CMIP: variants seen among roughly 807,000 people sequenced by gnomAD.
The protein encoded by CMIP is C-Maf-inducing protein.
CMIP carries 13 observed loss-of-function variants against 97.3 expected under a neutral mutation model. The observed-to-expected ratio is 0.13, with a 90% confidence interval of 0.09 to 0.21. CMIP has a LOEUF of 0.21. Ranked by LOEUF, CMIP falls within the 10% of genes least tolerant of loss-of-function variation. The probability of loss-of-function intolerance (pLI) is 1.00; values close to 1 mark genes in which losing one functional copy is unlikely to be tolerated. For missense variants in CMIP, 847 were observed against 1,024.9 expected, an observed-to-expected ratio of 0.83 and a Z score of 2.37; for synonymous variants, 538 against 436.3, an observed-to-expected ratio of 1.23 and a Z score of -2.91.
intron 1 of CMIP, among the ~76,000 whole-genome samples, chr16:81,524,544 A>T (rs906066403): frequency 6.6e-6 from 1 of 152,256 alleles, no homozygotes; most frequent in Non-Finnish European, 1.5e-5. Flanking sequence ...TCGCCAAGCC[A>T]GGCACGTCAT....
intron 9 of CMIP, among the ~76,000 whole-genome samples, chr16:81,672,889 C>T (rs1035281556): frequency 6.6e-5 from 10 of 152,222 alleles, no homozygotes; most frequent in African/African-American, 2.4e-4. Context: ...TCTTGAGCGC[C>T]TGCTGTGTGC....
At chr16:81,700,691 G>A (rs1172526483) in intron 15 of CMIP, 8 of 152,808 alleles carry the variant, frequency 5.2e-5, no homozygotes, top group Non-Finnish European at 7.3e-5. Context: ...GTGAGCCCTG[G>A]GGAAGAGGCA....
intron 15 of CMIP, 136 bp downstream of exon 15, chr16:81,699,937 C>T (rs1907207211): frequency 1.6e-6 from 1 of 616,918 alleles, no homozygotes; most frequent in Admixed American, 2.8e-5. Flanking sequence ...CCCAGCCGTC[C>T]TGAGCTTAGT....
rs1017331168 is a variant in CMIP, at chr16:81,705,667, G to C, written c.2197+63G>C. The C allele has an allele frequency of 3.7e-6, 4 of 1,081,560 alleles. No individual in the cohort carries two copies. In the South Asian group the frequency reaches 4.1e-5, roughly 11 times the overall value. 67.0% of individuals were successfully genotyped at this position (1,081,560 alleles called of 1,614,324 possible). A position where few individuals can be genotyped will look rare whatever the true frequency, so the allele number is the denominator to read the frequency against. On this transcript the variant is annotated intron_variant, in intron 19 of 20. Coordinates refer to ENST00000537098, the MANE Select transcript of CMIP (RefSeq NM_198390.3). Reference sequence around the variant, plus strand: ...CTTGATTCATTCCTTCCTTGCTTCAGCCAAACTGGCCAAGCACTGACTTTG... The same window carrying C: ...CTTGATTCATTCCTTCCTTGCTTCACCCAAACTGGCCAAGCACTGACTTTG...
At chr16:81,645,357 T>G in intron 3 of CMIP, 1 of 1,423,904 alleles carries the variant, frequency 7.0e-7, no homozygotes, top group Non-Finnish European at 9.2e-7. Context: ...CGTGCTTGGG[T>G]GTGTACGCGC....
chr16:81,498,567 T>G (rs1439700923), intron 1 of CMIP, among the ~76,000 whole-genome samples: 1 of 152,240 alleles, frequency 6.6e-6, no homozygotes, highest in Non-Finnish European at 1.5e-5. Flanking sequence ...ACCTGACTCA[T>G]GGCTCCCATC....
intron 1 of CMIP, among the ~76,000 whole-genome samples, chr16:81,597,593 CG>C (rs35366336): frequency 0.42 from 22,671 of 53,854 alleles, 2,381 homozygotes; most frequent in East Asian, 0.6. Flanking sequence ...GCGAGGGGAG[CG>C]GGGGGGGGGG....
intron 1 of CMIP, among the ~76,000 whole-genome samples, chr16:81,583,767 C>A (rs543532586): frequency 6.6e-6 from 1 of 152,222 alleles, no homozygotes; most frequent in South Asian, 2.1e-4. Context: ...CATCTGAAAG[C>A]CTTATGGAGG....
At chr16:81,536,683 C>T (rs2150831834) in intron 1 of CMIP, among the ~76,000 whole-genome samples, 1 of 152,220 alleles carries the variant, frequency 6.6e-6, no homozygotes, top group Non-Finnish European at 1.5e-5. Flanking sequence ...CGAGGGACAA[C>T]AGCACCAGCC....
At chr16:81,483,426 G>C (rs2089262159) in intron 1 of CMIP, among the ~76,000 whole-genome samples, 1 of 152,212 alleles carries the variant, frequency 6.6e-6, no homozygotes, top group Admixed American at 6.5e-5. Flanking sequence ...AGTGGGGTCA[G>C]ATGGTGTAGG....
intron 1 of CMIP, chr16:81,476,122 T>C (rs78828066): frequency 0.079 from 73,996 of 932,846 alleles, 3,310 homozygotes; most frequent in South Asian, 0.11. Flanking sequence ...TCACGTCTTC[T>C]TTCACCTTGC....
chr16:81,645,402 C>A, intron 3 of CMIP: 1 of 1,473,842 alleles, frequency 6.8e-7, no homozygotes, highest in South Asian at 1.4e-5. Context: ...AGCAGAGCAG[C>A]AGAGCAGCAG....
chr16:81,663,236 A>C (rs2092566887), intron 6 of CMIP, among the ~76,000 whole-genome samples: 1 of 152,180 alleles, frequency 6.6e-6, no homozygotes, highest in Non-Finnish European at 1.5e-5. Context: ...GGAAGCACCC[A>C]AAATGCCTTC....
chr16:81,590,363 G>A (rs1318353914), intron 1 of CMIP, among the ~76,000 whole-genome samples: 1 of 152,130 alleles, frequency 6.6e-6, no homozygotes, highest in Non-Finnish European at 1.5e-5. Context: ...GTGTCCAAAG[G>A]AGGCTTCTGT....
At chr16:81,463,659 G>A (rs1907026549) in intron 1 of CMIP, among the ~76,000 whole-genome samples, 1 of 152,208 alleles carries the variant, frequency 6.6e-6, no homozygotes, top group African/African-American at 2.4e-5. Flanking sequence ...CCTATGATGT[G>A]CCAGGCACTT....
chr16:81,530,090 T>C (rs2090203105), intron 1 of CMIP, among the ~76,000 whole-genome samples: 1 of 152,216 alleles, frequency 6.6e-6, no homozygotes, highest in Admixed American at 6.5e-5. Context: ...AGTCCATCTT[T>C]CAGTCAGGCC....
chr16:81,653,132 C>T (rs2092447090), intron 4 of CMIP, among the ~76,000 whole-genome samples: 1 of 152,312 alleles, frequency 6.6e-6, no homozygotes, highest in East Asian at 1.9e-4. Flanking sequence ...TAATACTGCT[C>T]TCGTTTATTT....
intron 1 of CMIP, among the ~76,000 whole-genome samples, chr16:81,532,259 A>G (rs1468957587): frequency 3.3e-5 from 5 of 152,342 alleles, no homozygotes; most frequent in Middle Eastern, 3.4e-3. Context: ...TCGAAGTTGA[A>G]CAAGTGGTGT....
At chr16:81,585,979 G>T (rs949717670) in intron 1 of CMIP, among the ~76,000 whole-genome samples, 3 of 152,188 alleles carry the variant, frequency 2.0e-5, no homozygotes, top group Non-Finnish European at 4.4e-5. Flanking sequence ...CGCTGCCGGG[G>T]AAGGCCTGTT....
Sources: allele counts gnomAD v4.1 joint callset (sites outside exome capture counted in the v4.1 genomes callset), GRCh38; gene constraint gnomAD v4.1.1; transcripts MANE v1.5; gene names NCBI Gene and HGNC (gene_info 2026-07-23, HGNC 2026-07-21).